AMHR2: variants seen among roughly 807,000 people sequenced by gnomAD.
AMHR2 encodes the protein anti-Muellerian hormone type-2 receptor.
In AMHR2, 36 loss-of-function variants were observed where a neutral mutation model predicts 61.4. The ratio of observed to expected loss-of-function variants is 0.59; its 90% CI spans 0.45 to 0.77. The LOEUF (loss-of-function observed/expected upper bound fraction) is 0.77. Among genes scored for constraint, AMHR2 ranks in the 30% least tolerant of loss-of-function variants. AMHR2 has a pLI of 0.00. For synonymous variants in AMHR2, 258 were observed against 279.4 expected (o/e 0.92, Z 0.76); for missense variants, 638 against 714.6 (o/e 0.89, Z 1.22).
chr12:53,430,174 C>T lies in AMHR2; in HGVS notation c.1317C>T (p.Ala439=). Residue 439 remains alanine (A), a synonymous_variant, in exon 10 of 11, where the codon GCC becomes GCT. Transcript: ENST00000257863. ...GCAGTCCACCACCCTTCCAACTGGC[C>T]TATGAGGCAGAACTGGGCAATACCC... ...PDSSPPPFQL[A]YEAELGNTPT... 1 of 1,614,212 alleles carries T rather than the reference C, an allele frequency of 6.2e-7. No individual in the cohort carries two copies. Among genetic ancestry groups the T allele is most frequent in the East Asian group, 2.2e-5 (1 of 44,884 alleles).
rs145224995 is a variant in AMHR2, at chr12:53,431,250, G to A, written c.1499G>A (p.Cys500Tyr). 6.2e-7 allele frequency: 1 copy of A among 1,614,254 alleles called. No individual in the cohort carries two copies. The highest frequency in any genetic ancestry group is 1.7e-5 in the Admixed American group (1 of 60,018). The change falls in exon 11 of 11, where the codon TGT (cysteine) becomes TAT (tyrosine). Residue 500 changes from cysteine to tyrosine, a missense_variant. Physicochemically the swap from Cys to Tyr is radical, Grantham distance 194 (BLOSUM62 -2). Transcript: ENST00000257863. Reference protein sequence around the residue: ...ADPEARLTAECVQQRLAALAH... With the variant: ...ADPEARLTAEYVQQRLAALAH... ...CCAGAAGCACGGCTGACAGCTGAGT[G>A]TGTACAGCAGCGCCTGGCTGCCTTG... is the stretch of plus-strand genomic sequence containing the variant.
At chr12:53,424,060 C>A in intron 1 of AMHR2, 77 bp downstream of exon 1, 2 of 1,545,238 alleles carry the variant, frequency 1.3e-6, no homozygotes, top group Admixed American at 1.7e-5. Flanking sequence ...AAGAGCCACC[C>A]CTTTGGAAGA....
chr12:53,425,675 A>G lies in AMHR2; in HGVS notation c.622-14A>G, dbSNP rs774740207. ...TAGCTCAGAGGCCCACACTCAGCACAGTGTCCCCAGCAGGTAATCCGGGAA... is the reference window on the plus strand; with the variant it reads ...TAGCTCAGAGGCCCACACTCAGCACGGTGTCCCCAGCAGGTAATCCGGGAA... On this transcript the variant is annotated splice_polypyrimidine_tract_variant and intron_variant, in intron 5 of 10. Transcript: ENST00000257863. 1 of 1,613,976 alleles carries G rather than the reference A, an allele frequency of 6.2e-7. No individual in the cohort carries two copies. The highest frequency in any genetic ancestry group is 1.7e-5 in the Admixed American group (1 of 59,994).
rs1940074612 is a variant in AMHR2, at chr12:53,431,239, G to A, written c.1488G>A (p.Leu496=). ...DCWDADPEAR[L]TAECVQQRLA... ...GGGATGCAGACCCAGAAGCACGGCT[G>A]ACAGCTGAGTGTGTACAGCAGCGCC... Residue 496 remains leucine (L), a synonymous_variant, in exon 11 of 11, where the codon CTG becomes CTA. Transcript: ENST00000257863. 1 of 1,614,246 alleles carries A rather than the reference G, an allele frequency of 6.2e-7. No homozygotes were observed. The highest frequency in any genetic ancestry group is 8.5e-7 in the Non-Finnish European group (1 of 1,180,050).
chr12:53,430,105 C>T (rs536116834), intron 9 of AMHR2, 41 bp from the exon 10 acceptor site: 9 of 1,614,120 alleles, frequency 5.6e-6, no homozygotes, highest in East Asian at 4.5e-5. Context: ...GGTAGGCACC[C>T]CTAGGACTAA....
Position 53,429,846 on chromosome 12 carries a change from T to C in AMHR2, c.1156T>C (p.Tyr386His). 6.2e-7 allele frequency: 1 copy of C among 1,614,020 alleles called. No individual in the cohort carries two copies. The highest frequency in any genetic ancestry group is 8.5e-7 in the Non-Finnish European group (1 of 1,180,000). ...TGCTCTCCAGGCTGGCACCCAGAGG[T>C]ACATGGCACCAGAGCTCTTGGACAA... ...AAIMEAGTQR[Y>H]MAPELLDKTL... Residue 386 changes from tyrosine (Y) to histidine (H), a missense_variant, in exon 9 of 11, where the codon TAC becomes CAC. Coordinates refer to ENST00000257863, the MANE Select transcript of AMHR2 (RefSeq NM_020547.3).
In AMHR2 at chr12:53,424,323, GC is replaced by G. The variant is rs771197993; in HGVS notation, c.89del (p.Pro30LeufsTer14). The G allele has an allele frequency of 2.5e-6, 4 of 1,612,758 alleles. No individual in the cohort carries two copies. In the African/African-American group the frequency reaches 5.3e-5, roughly 22 times the overall value. ...CAGGCGAACCTGTGTGTTCTTTGAG[GC>G]CCCTGGAGTGCGGGGAAGCACAAAG... Reference protein sequence around the residue: ...PNRRTCVFFEAPGVRGSTKTL... With the variant: ...PNRRTCVFFEXPGVRGSTKTL... On this transcript the variant is annotated frameshift_variant, in exon 2 of 11. Transcript: ENST00000257863. LOFTEE classifies it high-confidence loss of function.
At position 53,424,464 on chromosome 12, in the gene AMHR2, A is replaced by G. The variant is rs1226463500; in HGVS notation, c.226A>G (p.Met76Val). ...NLTQDRAQVE[M>V]QGCRDSDEPG... is the part of the protein sequence containing the mutation. Reference sequence around the variant, plus strand: ...GACCCAAGACCGGGCACAGGTGGAAATGCAAGGTGAATGGCAAAGTATATG... The same window carrying G: ...GACCCAAGACCGGGCACAGGTGGAAGTGCAAGGTGAATGGCAAAGTATATG... Residue 76 changes from methionine to valine, a missense_variant, in exon 2 of 11, where the codon ATG (methionine) becomes GTG (valine). Met to Val is a conservative substitution (Grantham distance 21). Transcript: ENST00000257863. 1.9e-6 allele frequency: 3 copies of G among 1,612,900 alleles called. No individual in the cohort carries two copies. Among genetic ancestry groups the G allele is most frequent in the Non-Finnish European group, 2.5e-6 (3 of 1,179,512 alleles).
chr12:53,429,777 G>A (rs1323358105), intron 8 of AMHR2, 54 bp from the exon 9 acceptor site: 1 of 1,612,674 alleles, frequency 6.2e-7, no homozygotes, highest in African/African-American at 1.3e-5. Context: ...GACCATTGCT[G>A]CAATGAGGAT....
chr12:53,431,364 C>T lies in AMHR2; in HGVS notation c.1613C>T (p.Ala538Val). 6.2e-7 allele frequency: 1 copy of T among 1,614,224 alleles called. No individual in the cohort carries two copies. The highest frequency in any genetic ancestry group is 1.1e-5 in the South Asian group (1 of 91,080). ...CCAGAAGACTGTACTTCAATTCCTG[C>T]CCCTACCATCCTCCCCTGTAGGCCT... is the stretch of plus-strand genomic sequence containing the variant. The part of the protein sequence containing the change: ...LCPEDCTSIP[A>V]PTILPCRPQR... The change falls in exon 11 of 11, where the codon GCC becomes GTC. Residue 538 changes from alanine to valine, a missense_variant. Coordinates refer to ENST00000257863, the MANE Select transcript of AMHR2 (RefSeq NM_020547.3).
Position 53,431,429 on chromosome 12 carries a change from T to C in AMHR2, c.1678T>C (p.Cys560Arg). 2 of 1,614,256 alleles carry C rather than the reference T, an allele frequency of 1.2e-6. No homozygotes were observed. The highest frequency in any genetic ancestry group is 1.7e-6 in the Non-Finnish European group (2 of 1,180,048). The change falls in exon 11 of 11, where the codon TGT becomes CGT. Residue 560 changes from cysteine to arginine, a missense_variant. Transcript: ENST00000257863. ...ACHFSVQQGPCSRNPQPACTL... is the reference protein window; with the variant it reads ...ACHFSVQQGPRSRNPQPACTL... ...CCACTTCAGCGTTCAGCAAGGCCCT[T>C]GTTCCAGGAATCCTCAGCCTGCCTG... is the stretch of plus-strand genomic sequence containing the variant.
intron 3 of AMHR2, 112 bp downstream of exon 3, chr12:53,425,012 G>T: frequency 6.4e-7 from 1 of 1,562,856 alleles, no homozygotes; most frequent in South Asian, 1.1e-5. Context: ...TCCTCCTCCT[G>T]GCCTTGGGAA....
rs1565841737 is a variant in AMHR2, at chr12:53,431,367, C to T, written c.1616C>T (p.Pro539Leu). 2 of 1,614,240 alleles carry T rather than the reference C, an allele frequency of 1.2e-6. No individual in the cohort carries two copies. Among genetic ancestry groups the T allele is most frequent in the Non-Finnish European group, 1.7e-6 (2 of 1,180,038 alleles). The change falls in exon 11 of 11, where the codon CCT becomes CTT. Residue 539 changes from proline to leucine, a missense_variant. Coordinates refer to ENST00000257863, the MANE Select transcript of AMHR2 (RefSeq NM_020547.3). ...CPEDCTSIPA[P>L]TILPCRPQRS... ...GAAGACTGTACTTCAATTCCTGCCC[C>T]TACCATCCTCCCCTGTAGGCCTCAG... is the stretch of plus-strand genomic sequence containing the variant.
chr12:53,423,922 A>G lies in AMHR2; in HGVS notation c.-13A>G. 2 of 1,614,048 alleles carry G rather than the reference A, an allele frequency of 1.2e-6. No homozygotes were observed. The highest frequency in any genetic ancestry group is 1.7e-6 in the Non-Finnish European group (2 of 1,179,964). On this transcript the variant is annotated 5_prime_UTR_variant, in exon 1 of 11. Transcript: ENST00000257863. The stretch of plus-strand genomic sequence containing the variant: ...ATGCTCTTCTCCTTCTGCTGCTGCC[A>G]TCCTCCAGCAAGATGCTAGGGTCTT...
intron 2 of AMHR2, 117 bp from the exon 3 acceptor site, chr12:53,424,592 G>C (rs931935333): frequency 1.9e-6 from 3 of 1,546,060 alleles, no homozygotes; most frequent in African/African-American, 2.7e-5. Context: ...AAAAGCCCAT[G>C]AGAGCTGGAA....
At chr12:53,426,696 G>T (rs1939626603) in intron 6 of AMHR2, among the ~76,000 whole-genome samples, 1 of 151,130 alleles carries the variant, frequency 6.6e-6, no homozygotes, top group Non-Finnish European at 1.5e-5. Flanking sequence ...TTTTATTTTG[G>T]TGGGAGGACG....
chr12:53,429,794 AGAGATGATTCTTG>A, intron 8 of AMHR2, 24 bp from the exon 9 acceptor site: 1 of 1,613,784 alleles, frequency 6.2e-7, no homozygotes. Flanking sequence ...GGATTGCCAC[AGAGATGATTCTTG>A]GCCCTTCGTG....
At chr12:53,429,077 G>A in intron 7 of AMHR2, 67 bp downstream of exon 7, 1 of 1,386,786 alleles carries the variant, frequency 7.2e-7, no homozygotes. Context: ...GCCTTAGTTT[G>A]GAGGGGAAAG....
chr12:53,429,478 C>T lies in AMHR2; in HGVS notation c.993C>T (p.His331=). 6.2e-7 allele frequency: 1 copy of T among 1,613,478 alleles called. No individual in the cohort carries two copies. Among genetic ancestry groups the T allele is most frequent in the Non-Finnish European group, 8.5e-7 (1 of 1,179,994 alleles). Residue 331 remains histidine, a synonymous_variant, in exon 8 of 11, where the codon CAC becomes CAT. Transcript: ENST00000257863. ...QNGQYKPGIA[H]RDLSSQNVLI... ...GCCAATATAAACCAGGTATTGCCCACCGAGATCTGAGCAGCCAGAATGTGC... is the reference window on the plus strand; with the variant it reads ...GCCAATATAAACCAGGTATTGCCCATCGAGATCTGAGCAGCCAGAATGTGC...
Sources: allele counts gnomAD v4.1 joint callset (sites outside exome capture counted in the v4.1 genomes callset), GRCh38; gene constraint gnomAD v4.1.1; transcripts MANE v1.5; gene names NCBI Gene and HGNC (gene_info 2026-07-23, HGNC 2026-07-21).